The following ULK4 variants were observed in gnomAD, a reference collection of about 807,000 sequenced individuals.
The protein encoded by ULK4 is inactive serine/threonine-protein kinase ULK4.
Under a neutral mutation model 160.6 loss-of-function variants are expected in ULK4, and 133 were observed. That is an observed-to-expected ratio of 0.83 (90% confidence interval 0.72 to 0.96). The LOEUF (loss-of-function observed/expected upper bound fraction) is 0.96. Ranked by LOEUF, ULK4 falls within the 40% of genes least tolerant of loss-of-function variation. The pLI is 0.00. For synonymous variants in ULK4, 534 were observed against 539.8 expected, an observed-to-expected ratio of 0.99 and a Z score of 0.15; for missense variants, 1,580 against 1,499.5, an observed-to-expected ratio of 1.05 and a Z score of -0.89.
chr3:41,299,467 A>C (rs971638121), intron 35 of ULK4, among the ~76,000 whole-genome samples: 3 of 152,234 alleles, frequency 2.0e-5, no homozygotes, highest in East Asian at 1.9e-4. Flanking sequence ...GCTAGGATTC[A>C]ACCAATAAAA....
intron 33 of ULK4, among the ~76,000 whole-genome samples, chr3:41,461,790 T>C (rs1489564720): frequency 1.3e-5 from 2 of 152,176 alleles, no homozygotes; most frequent in Non-Finnish European, 2.9e-5. Flanking sequence ...CAAGAAAATC[T>C]TTTACAGATT....
chr3:41,614,788 T>C (rs1384136794), intron 31 of ULK4, among the ~76,000 whole-genome samples: 1 of 152,182 alleles, frequency 6.6e-6, no homozygotes, highest in East Asian at 1.9e-4. Flanking sequence ...TATAGAATAA[T>C]ATTTTAAGAT....
At chr3:41,276,567 T>C (rs1392848823) in intron 35 of ULK4, among the ~76,000 whole-genome samples, 2 of 152,262 alleles carry the variant, frequency 1.3e-5, no homozygotes, top group Non-Finnish European at 2.9e-5. Flanking sequence ...GCTCTTTGTC[T>C]TCAGTCTTTT....
At chr3:41,549,601 G>A (rs2086990938) in intron 32 of ULK4, among the ~76,000 whole-genome samples, 2 of 151,968 alleles carry the variant, frequency 1.3e-5, no homozygotes, top group South Asian at 4.1e-4. Context: ...GAAGAGATAG[G>A]CAACAGCATA....
intron 35 of ULK4, among the ~76,000 whole-genome samples, chr3:41,268,730 G>A (rs1166403634): frequency 6.7e-6 from 1 of 148,570 alleles, no homozygotes; most frequent in South Asian, 2.2e-4. Context: ...GCTTGAACCC[G>A]GGAGATGGAG....
At chr3:41,599,955 T>G (rs994539810) in intron 31 of ULK4, among the ~76,000 whole-genome samples, 3 of 152,212 alleles carry the variant, frequency 2.0e-5, no homozygotes, top group African/African-American at 7.2e-5. Flanking sequence ...TTGCTTAATA[T>G]CTACAAAAAC....
chr3:41,450,915 T>C (rs919294467), intron 34 of ULK4, among the ~76,000 whole-genome samples: 2 of 152,226 alleles, frequency 1.3e-5, no homozygotes, highest in Non-Finnish European at 2.9e-5. Context: ...ACACACATCA[T>C]GCATACATCT....
intron 24 of ULK4, 63 bp from the exon 25 acceptor site, chr3:41,715,356 A>G: frequency 6.2e-7 from 1 of 1,610,048 alleles, no homozygotes; most frequent in Non-Finnish European, 8.5e-7. Flanking sequence ...AGCTCAATAA[A>G]AAAAAAATGT....
intron 16 of ULK4, among the ~76,000 whole-genome samples, chr3:41,884,885 C>T (rs936618189): frequency 1.3e-5 from 2 of 152,146 alleles, no homozygotes; most frequent in African/African-American, 2.4e-5. Flanking sequence ...GAATTAGCAT[C>T]CCACCTGTGA....
intron 17 of ULK4, among the ~76,000 whole-genome samples, chr3:41,879,045 C>T (rs1697414871): frequency 6.6e-6 from 1 of 152,138 alleles, no homozygotes; most frequent in South Asian, 2.1e-4. Flanking sequence ...TGGGCCAAGA[C>T]AAGGGACAAT....
chr3:41,612,596 T>A (rs965785149), intron 31 of ULK4, among the ~76,000 whole-genome samples: 1 of 152,250 alleles, frequency 6.6e-6, no homozygotes, highest in Non-Finnish European at 1.5e-5. Context: ...CAAATTAATT[T>A]CAATTGGTTT....
chr3:41,696,908 G>C (rs1219055101), intron 27 of ULK4, among the ~76,000 whole-genome samples: 1 of 152,136 alleles, frequency 6.6e-6, no homozygotes, highest in Non-Finnish European at 1.5e-5. Context: ...TTTGAAGATG[G>C]AATAAGGGGC....
rs568695786 is a variant in ULK4, at chr3:41,292,871, G to A, written c.3679-43297C>T. ...AGGCAGAAGAATTGCTTGAACCTGG[G>A]TGGCAGAGGTTGCAGTGAGCCAAGA... is the stretch of plus-strand genomic sequence containing the variant. On this transcript the variant is annotated intron_variant, in intron 35 of 36. Transcript: ENST00000301831. 1.6e-3 allele frequency among the ~76,000 whole-genome samples: 246 copies of A among 152,264 alleles called. 4 individuals are homozygous for A. The highest frequency in any genetic ancestry group is 5.4e-3 in the African/African-American group (223 of 41,532).
intron 18 of ULK4, 124 bp from the exon 19 acceptor site, chr3:41,819,630 AT>A: frequency 1.4e-6 from 1 of 710,226 alleles, no homozygotes; most frequent in Non-Finnish European, 2.3e-6. Flanking sequence ...TATTTAAAGT[AT>A]TACTTACTAT....
At position 41,938,362 on chromosome 3, in the gene ULK4, A is replaced by C. The variant is rs564252032; in HGVS notation, c.139-165T>G. On this transcript the variant is annotated intron_variant, in intron 2 of 36. Coordinates refer to ENST00000301831, the MANE Select transcript of ULK4 (RefSeq NM_017886.4). ...AATCATGGTTATGAGGGCTAGTTAC[A>C]CAGAAAAACATTAACTTAAAAATAA... Among the ~76,000 whole-genome samples, 201 of 152,282 alleles carry C rather than the reference A, an allele frequency of 1.3e-3. 1 individual carries two copies. The highest frequency in any genetic ancestry group is 2.2e-3 in the Non-Finnish European group (151 of 68,016).
intron 2 of ULK4, among the ~76,000 whole-genome samples, chr3:41,954,261 G>A (rs1366723290): frequency 6.6e-6 from 1 of 151,442 alleles, no homozygotes; most frequent in Non-Finnish European, 1.5e-5. Flanking sequence ...TCTGGAGACT[G>A]AGGTGGGAGG....
At chr3:41,454,292 C>T (rs1045429811) in intron 34 of ULK4, among the ~76,000 whole-genome samples, 2 of 149,530 alleles carry the variant, frequency 1.3e-5, no homozygotes, top group African/African-American at 4.9e-5. Context: ...GTAATCCCAG[C>T]AATTTGGGAG....
intron 30 of ULK4, among the ~76,000 whole-genome samples, chr3:41,652,696 G>A (rs1234652787): frequency 6.6e-6 from 1 of 152,184 alleles, no homozygotes; most frequent in East Asian, 1.9e-4. Context: ...GGAAACAGGA[G>A]AATCATGCTT....
At chr3:41,391,596 A>T (rs2081958384) in intron 35 of ULK4, among the ~76,000 whole-genome samples, 1 of 151,930 alleles carries the variant, frequency 6.6e-6, no homozygotes, top group African/African-American at 2.4e-5. Flanking sequence ...TAAAATATTA[A>T]AAGAATGGCT....
Sources: allele counts gnomAD v4.1 joint callset (sites outside exome capture counted in the v4.1 genomes callset), GRCh38; gene constraint gnomAD v4.1.1; transcripts MANE v1.5; gene names NCBI Gene and HGNC (gene_info 2026-07-23, HGNC 2026-07-21).